CYP4X1: variants seen among roughly 807,000 people sequenced by gnomAD.
The protein encoded by CYP4X1 is cytochrome P450 4X1.
A neutral mutation model predicts 57.9 loss-of-function variants in CYP4X1; 44 were observed. The observed-to-expected ratio is 0.76, with a 90% CI of 0.60 to 0.98. CYP4X1 has a LOEUF of 0.98. Ranked by LOEUF, CYP4X1 falls within the 50% of genes least tolerant of loss-of-function variation. CYP4X1 has a pLI of 0.00. For missense variants in CYP4X1, 532 were observed against 623.9 expected, an observed-to-expected ratio of 0.85 and a Z score of 1.57; for synonymous variants, 227 against 228.6, an observed-to-expected ratio of 0.99 and a Z score of 0.06.
the CYP4X1 span, among the ~76,000 whole-genome samples, chr1:47,003,382 A>G: frequency 6.6e-6 from 1 of 152,352 alleles, no homozygotes; most frequent in East Asian, 1.9e-4. Context: ...TGTATGGCTC[A>G]GAGGAGCTAC....
chr1:47,024,072 G>T, intron 1 of CYP4X1, 78 bp downstream of exon 1: 1 of 1,499,340 alleles, frequency 6.7e-7, no homozygotes, highest in South Asian at 1.3e-5. Flanking sequence ...CCGGCAGAGA[G>T]ACGCAGCTTT....
chr1:47,022,257 A>C (rs1332729150), upstream of CYP4X1, among the ~76,000 whole-genome samples: 1 of 144,900 alleles, frequency 6.9e-6, no homozygotes, highest in Non-Finnish European at 1.5e-5. Flanking sequence ...CTTGGTCCAG[A>C]TGAAGTCACC....
chr1:47,032,133 GT>G (rs1557603790), intron 3 of CYP4X1, among the ~76,000 whole-genome samples: 1 of 151,866 alleles, frequency 6.6e-6, no homozygotes, highest in African/African-American at 2.4e-5. Flanking sequence ...TTTCTTGGAT[GT>G]TTTCCTTTCT....
chr1:46,990,816 C>T, the CYP4X1 span, among the ~76,000 whole-genome samples: 210 of 152,146 alleles, frequency 1.4e-3, 4 homozygotes, highest in Non-Finnish European at 3.2e-4. Flanking sequence ...AACCAAACAT[C>T]GCATGTTCTC....
At chr1:47,039,138 C>A (rs1483221585) in intron 7 of CYP4X1, among the ~76,000 whole-genome samples, 1 of 152,098 alleles carries the variant, frequency 6.6e-6, no homozygotes, top group Non-Finnish European at 1.5e-5. Flanking sequence ...GCCCTTTGTG[C>A]AAGGCCTGCT....
At chr1:47,038,891 T>G (rs1230842086) in intron 7 of CYP4X1, 125 bp downstream of exon 7, 11 of 652,144 alleles carry the variant, frequency 1.7e-5, no homozygotes, top group Non-Finnish European at 2.7e-5. Flanking sequence ...GTACTTTGAA[T>G]TGATGAGCAG....
chr1:46,974,981 G>A, the CYP4X1 span, among the ~76,000 whole-genome samples: 103 of 152,152 alleles, frequency 6.8e-4, no homozygotes, highest in Admixed American at 6.7e-3. Context: ...AAGATGTTTT[G>A]ATCTAAGCAT....
At chr1:46,961,754 T>C in the CYP4X1 span, 2 of 1,312,388 alleles carry the variant, frequency 1.5e-6, no homozygotes, top group Admixed American at 4.3e-5. Context: ...CTCCAGTGGA[T>C]TGGTGAGTAA....
chr1:46,971,788 GT>G, the CYP4X1 span, among the ~76,000 whole-genome samples: 1 of 151,210 alleles, frequency 6.6e-6, no homozygotes, highest in Admixed American at 6.6e-5. Flanking sequence ...GTTTTGTTTT[GT>G]TTTTTGGCTT....
chr1:47,023,484 C>T, upstream of CYP4X1: 3 of 1,025,216 alleles, frequency 2.9e-6, no homozygotes, highest in Non-Finnish European at 3.5e-6. Context: ...AAACAATGAC[C>T]TCAGCTTTAG....
the CYP4X1 span, among the ~76,000 whole-genome samples, chr1:46,978,755 C>T: frequency 2.6e-5 from 4 of 151,404 alleles, no homozygotes; most frequent in South Asian, 2.1e-4. Flanking sequence ...TGTAAAAGAA[C>T]AGAAATTACC....
the CYP4X1 span, among the ~76,000 whole-genome samples, chr1:46,984,401 A>G: frequency 4.0e-5 from 5 of 123,746 alleles, no homozygotes; most frequent in Non-Finnish European, 6.9e-5. Flanking sequence ...AAAAAAAAAA[A>G]CCAGGAGAGG....
intron 7 of CYP4X1, among the ~76,000 whole-genome samples, chr1:47,038,992 G>T (rs1306588035): frequency 6.6e-6 from 1 of 152,152 alleles, no homozygotes; most frequent in Non-Finnish European, 1.5e-5. Flanking sequence ...GACAAGATTT[G>T]AGGATTGTCA....
chr1:47,052,483 ATAGG>A (rs1644365685), downstream of CYP4X1, among the ~76,000 whole-genome samples: 1 of 152,158 alleles, frequency 6.6e-6, no homozygotes. Flanking sequence ...AGAAACTTTC[ATAGG>A]TAGGAAGTAG....
the CYP4X1 span, among the ~76,000 whole-genome samples, chr1:46,979,728 A>G: frequency 1.6e-4 from 24 of 152,228 alleles, no homozygotes; most frequent in South Asian, 4.1e-4. Context: ...AAAATCCTCA[A>G]TAATATACTG....
chr1:47,054,902 G>A (rs368806605), downstream of CYP4X1, among the ~76,000 whole-genome samples: 3 of 151,932 alleles, frequency 2.0e-5, no homozygotes, highest in South Asian at 2.1e-4. Context: ...CTAATTGAAT[G>A]CCCTTTATTT....
chr1:47,023,573 G>C, upstream of CYP4X1: 2 of 1,283,906 alleles, frequency 1.6e-6, no homozygotes, highest in Non-Finnish European at 2.0e-6. Flanking sequence ...GAGCGCAAAA[G>C]CAGTTGGGCC....
the CYP4X1 span, among the ~76,000 whole-genome samples, chr1:47,000,003 C>T: frequency 2.6e-5 from 4 of 151,984 alleles, no homozygotes; most frequent in South Asian, 8.3e-4. Context: ...TGAGAGGGGC[C>T]GGGGTGGAAT....
chr1:46,971,223 C>A, the CYP4X1 span, among the ~76,000 whole-genome samples: 1 of 152,176 alleles, frequency 6.6e-6, no homozygotes, highest in Admixed American at 6.5e-5. Context: ...CGGCCTCCTG[C>A]TCCATCCATG....
Sources: gnomAD v4.1 joint callset for allele counts (sites outside exome capture counted in the v4.1 genomes callset) on GRCh38, gnomAD v4.1.1 for gene constraint, MANE v1.5 for transcripts, NCBI Gene and HGNC (gene_info 2026-07-23, HGNC 2026-07-21) for gene names.